Variants in ARHGEF18 observed in about 807,000 individuals in gnomAD.
ARHGEF18 encodes the protein Rho/Rac guanine nucleotide exchange factor 18.
A neutral mutation model predicts 155.7 loss-of-function variants in ARHGEF18; 93 were observed. That is an observed-to-expected ratio of 0.60 (90% CI 0.50 to 0.71). The LOEUF is 0.71. ARHGEF18 is among the 30% of genes least tolerant of loss of function. ARHGEF18 has a pLI of 0.00. For synonymous variants in ARHGEF18, 742 were observed against 753.1 expected (o/e 0.99, Z 0.24); for missense variants, 1,593 against 1,816.1 (o/e 0.88, Z 2.23).
Position 7,412,039 on chromosome 19 carries a change from T to C in ARHGEF18, c.968-28305T>C, listed in dbSNP as rs72992656. Among the ~76,000 whole-genome samples the C allele has an allele frequency of 4.0e-3, 539 of 134,196 alleles. 3 individuals are homozygous for C. Among genetic ancestry groups the C allele is most frequent in the South Asian group, 0.019 (79 of 4,068 alleles). 88.0% of individuals were successfully genotyped at this position (134,196 alleles called of 152,430 possible). A position where few individuals can be genotyped will look rare whatever the true frequency, so the allele number is the denominator to read the frequency against. On this transcript the variant is annotated intron_variant, in intron 10 of 28. Coordinates refer to ENST00000668164, the MANE Select transcript of ARHGEF18 (RefSeq NM_001367823.1). ...TGTTTTGTGTTTTTTTGTTTGGTTT[T>C]TCTTTTTTTTTTTTGAGATGGAGTC...
At chr19:7,428,638 G>T (rs34933605) in intron 10 of ARHGEF18, among the ~76,000 whole-genome samples, 96,547 of 151,740 alleles carry the variant, frequency 0.64, 31,437 homozygotes, top group Middle Eastern at 0.78. Flanking sequence ...GCCCAGGAGT[G>T]GGAGGCTGCA....
In ARHGEF18 at chr19:7,378,380, G is replaced by C; in HGVS notation, c.542-14G>C. Reference sequence around the variant, plus strand: ...CTGACAACTGTGCTTCCTGGGATGGGGGGCTTCTTCCAGGCCTGGAACCTC... The same window carrying C: ...CTGACAACTGTGCTTCCTGGGATGGCGGGCTTCTTCCAGGCCTGGAACCTC... On this transcript the variant is annotated splice_polypyrimidine_tract_variant and intron_variant, in intron 5 of 28. Coordinates refer to ENST00000668164, the MANE Select transcript of ARHGEF18 (RefSeq NM_001367823.1). 1 of 1,234,338 alleles carries C rather than the reference G, an allele frequency of 8.1e-7. No individual in the cohort carries two copies. Among genetic ancestry groups the C allele is most frequent in the Non-Finnish European group, 1.0e-6 (1 of 988,210 alleles). The allele number at this position is 1,234,338 out of a possible 1,614,324, so 76.5% of individuals were successfully genotyped here.
chr19:7,437,271 A>C (rs1974318954), intron 10 of ARHGEF18, among the ~76,000 whole-genome samples: 1 of 152,110 alleles, frequency 6.6e-6, no homozygotes, highest in South Asian at 2.1e-4. Context: ...TCTACTAAAA[A>C]TACAAAATTA....
chr19:7,430,465 A>C (rs1469387648), intron 10 of ARHGEF18, among the ~76,000 whole-genome samples: 3 of 152,028 alleles, frequency 2.0e-5, no homozygotes, highest in Admixed American at 6.6e-5. Context: ...AGCCCTGCAA[A>C]GTGCTGGAAT....
chr19:7,394,536 T>G (rs1198248526), intron 10 of ARHGEF18, among the ~76,000 whole-genome samples: 1 of 151,550 alleles, frequency 6.6e-6, no homozygotes, highest in East Asian at 2.0e-4. Flanking sequence ...AGCTCCACTG[T>G]CCTCCCTTGG....
chr19:7,367,658 C>T (rs113823023), intron 2 of ARHGEF18, among the ~76,000 whole-genome samples: 6 of 145,102 alleles, frequency 4.1e-5, no homozygotes, highest in South Asian at 2.1e-4. Context: ...AGGCAGGAGA[C>T]TCACTTGAAC....
chr19:7,385,864 TCTCTCTCCCCCCTCC>T (rs2145473861), intron 10 of ARHGEF18, among the ~76,000 whole-genome samples: 1 of 92,064 alleles, frequency 1.1e-5, no homozygotes, highest in African/African-American at 6.4e-5. Context: ...TCTCTCTCTC[TCTCTCTCCCCCCTCC>T]CTCTCTCCCT....
At chr19:7,387,360 A>G (rs540377951) in intron 10 of ARHGEF18, among the ~76,000 whole-genome samples, 4 of 151,722 alleles carry the variant, frequency 2.6e-5, no homozygotes, top group African/African-American at 9.7e-5. Flanking sequence ...CACCGTGTTA[A>G]CCAGGATAAT....
intron 1 of ARHGEF18, among the ~76,000 whole-genome samples, chr19:7,351,204 C>T (rs1969147883): frequency 6.6e-6 from 1 of 152,198 alleles, no homozygotes; most frequent in Non-Finnish European, 1.5e-5. Flanking sequence ...GACCTTGTCC[C>T]CAGGCCTTCC....
At chr19:7,466,829 T>TA (rs369506925) in intron 23 of ARHGEF18, 89 bp from the exon 24 acceptor site, 295 of 899,774 alleles carry the variant, frequency 3.3e-4, no homozygotes, top group South Asian at 4.2e-4. Context: ...AAAAAAAAGT[T>TA]AAAAAAAAAG....
Position 7,463,988 on chromosome 19 carries a change from A to G in ARHGEF18, c.2773+33A>G. The G allele has an allele frequency of 6.5e-7, 1 of 1,543,518 alleles. No homozygotes were observed. The highest frequency in any genetic ancestry group is 2.1e-5 in the Admixed American group (1 of 47,734). On this transcript the variant is annotated intron_variant, in intron 22 of 28. Coordinates refer to ENST00000668164, the MANE Select transcript of ARHGEF18 (RefSeq NM_001367823.1). This position sits in a 1 kb window ranked among gnomAD's most constrained non-coding sequence, Gnocchi z 5.2. ...CGGGGCCGTCTCCCCTCCTGCCTCCAGGGCCGCCCCTCAGGATGCACATTA... is the reference window on the plus strand; with the variant it reads ...CGGGGCCGTCTCCCCTCCTGCCTCCGGGGCCGCCCCTCAGGATGCACATTA...
intron 10 of ARHGEF18, among the ~76,000 whole-genome samples, chr19:7,401,481 G>T (rs1009989540): frequency 6.6e-6 from 1 of 152,060 alleles, no homozygotes; most frequent in Non-Finnish European, 1.5e-5. Context: ...AGAGACAGGG[G>T]TCTTACCATG....
downstream of ARHGEF18, among the ~76,000 whole-genome samples, chr19:7,474,754 AGT>A (rs3219570): frequency 2.6e-3 from 361 of 141,126 alleles, 1 homozygote; most frequent in East Asian, 6.4e-3. Flanking sequence ...TGGGCATTGG[AGT>A]GTGTGTGTGT....
intron 2 of ARHGEF18, among the ~76,000 whole-genome samples, chr19:7,371,575 T>C (rs1970205519): frequency 6.6e-6 from 1 of 151,940 alleles, no homozygotes; most frequent in African/African-American, 2.4e-5. Flanking sequence ...AGCCCCAGCA[T>C]CTTGGGAGGC....
chr19:7,476,874 C>T (rs544084713), downstream of ARHGEF18: 253 of 300,564 alleles, frequency 8.4e-4, 1 homozygote, highest in South Asian at 8.4e-3. Context: ...CTGAGCCAGG[C>T]GCCAGCACCA....
downstream of ARHGEF18, chr19:7,477,408 T>C (rs1282692483): frequency 7.3e-6 from 11 of 1,499,266 alleles, no homozygotes; most frequent in African/African-American, 5.7e-5. Context: ...TGCGCCTCCA[T>C]GGCCCTCCGC....
chr19:7,439,408 C>T (rs1479930579), intron 10 of ARHGEF18, among the ~76,000 whole-genome samples: 4 of 151,866 alleles, frequency 2.6e-5, no homozygotes, highest in East Asian at 1.9e-4. Flanking sequence ...GAGCTATGGT[C>T]GGCCACTGCA....
At chr19:7,375,984 A>G (rs1015956) in intron 4 of ARHGEF18, 114 bp downstream of exon 4, 351,653 of 1,151,952 alleles carry the variant, frequency 0.31, 54,380 homozygotes, top group Non-Finnish European at 0.31. Context: ...CCACCATGGC[A>G]GGGTGGAGGC....
chr19:7,409,593 AATTTTTGT>A (rs1053076228), intron 10 of ARHGEF18, among the ~76,000 whole-genome samples: 25 of 150,596 alleles, frequency 1.7e-4, no homozygotes, highest in African/African-American at 5.6e-4. Flanking sequence ...ACCTCCAGCT[AATTTTTGT>A]ATTTTTGTAT....
Sources: allele counts gnomAD v4.1 joint callset (sites outside exome capture counted in the v4.1 genomes callset), GRCh38; gene constraint gnomAD v4.1.1; non-coding constraint Gnocchi (gnomAD v3.1); transcripts MANE v1.5; gene names NCBI Gene and HGNC (gene_info 2026-07-23, HGNC 2026-07-21).